Variants in XPA observed in about 807,000 individuals in gnomAD.
The protein encoded by XPA is DNA repair protein complementing XP-A cells.
In XPA, 27 loss-of-function variants were observed where a neutral mutation model predicts 35.7. The ratio of observed to expected loss-of-function variants is 0.76; its 90% CI spans 0.56 to 1.04. The LOEUF (loss-of-function observed/expected upper bound fraction) is 1.04. Among genes scored for constraint, XPA ranks in the 50% least tolerant of loss-of-function variants. The pLI is 0.00. For synonymous variants in XPA, 133 were observed against 118.4 expected, an observed-to-expected ratio of 1.12 and a Z score of -0.80; for missense variants, 354 against 342.7, an observed-to-expected ratio of 1.03 and a Z score of -0.26.
chr9:97,680,744 CT>C (rs370704008), intron 5 of XPA, among the ~76,000 whole-genome samples: 6 of 152,212 alleles, frequency 3.9e-5, no homozygotes, highest in African/African-American at 1.4e-4. Context: ...CTACCTACTG[CT>C]GAGAATGAGA....
At chr9:97,683,191 A>G (rs1386917257) in intron 5 of XPA, among the ~76,000 whole-genome samples, 2 of 152,236 alleles carry the variant, frequency 1.3e-5, no homozygotes, top group Non-Finnish European at 2.9e-5. Context: ...GCTGGAGTTA[A>G]CAAAAAACCC....
intron 1 of XPA, 73 bp downstream of exon 1, chr9:97,697,048 C>T (rs193220122): frequency 1.4e-6 from 2 of 1,458,168 alleles, no homozygotes; most frequent in Non-Finnish European, 1.8e-6. Flanking sequence ...CCCCGGGACT[C>T]GGCTTGCACG....
the XPA span, chr9:97,661,897 G>A: frequency 5.2e-5 from 25 of 483,522 alleles, no homozygotes; most frequent in Admixed American, 7.4e-5. Flanking sequence ...AATCAGTGAC[G>A]GTCTTTTATT....
At chr9:97,693,517 A>T (rs1342857045) in intron 2 of XPA, 132 bp downstream of exon 2, 3 of 802,024 alleles carry the variant, frequency 3.7e-6, no homozygotes, top group Admixed American at 2.6e-5. Context: ...GCCAAACTTT[A>T]TCACTTTTAT....
downstream of XPA, among the ~76,000 whole-genome samples, chr9:97,673,942 G>A (rs947471487): frequency 2.0e-5 from 3 of 152,102 alleles, no homozygotes; most frequent in Non-Finnish European, 4.4e-5. Flanking sequence ...TAGTGGCCTT[G>A]GTAATACATG....
chr9:97,697,076 G>A, intron 1 of XPA, 45 bp downstream of exon 1: 1 of 1,504,676 alleles, frequency 6.6e-7, no homozygotes, highest in Non-Finnish European at 8.9e-7. Flanking sequence ...CTGGGGACCG[G>A]GGAGGCGGGG....
the XPA span, among the ~76,000 whole-genome samples, chr9:97,658,454 T>C: frequency 6.6e-6 from 1 of 152,244 alleles, no homozygotes; most frequent in African/African-American, 2.4e-5. Flanking sequence ...CAGTGAGTTT[T>C]GCAGTATGCC....
the XPA span, among the ~76,000 whole-genome samples, chr9:97,661,460 CA>C: frequency 6.6e-6 from 1 of 152,056 alleles, no homozygotes; most frequent in Non-Finnish European, 1.5e-5. Context: ...TAATTCCAAC[CA>C]GAATCCTAGG....
chr9:97,670,714 C>T (rs1371791083), downstream of XPA, among the ~76,000 whole-genome samples: 4 of 152,128 alleles, frequency 2.6e-5, no homozygotes, highest in East Asian at 3.8e-4. Context: ...CCTGTCAGTC[C>T]GTCTGGCTGC....
the XPA span, chr9:97,655,051 T>C: frequency 5.3e-6 from 5 of 946,996 alleles, no homozygotes; most frequent in Non-Finnish European, 7.6e-6. Context: ...TTTAGTTTTT[T>C]TCTTGCCTCC....
chr9:97,654,731 GAAA>G, the XPA span: 1 of 739,146 alleles, frequency 1.4e-6, no homozygotes. Context: ...AAAGCTGTAA[GAAA>G]AAACAAAAAC....
At chr9:97,693,474 CTTT>C (rs1194045527) in intron 2 of XPA, among the ~76,000 whole-genome samples, 172 bp downstream of exon 2, 2 of 152,190 alleles carry the variant, frequency 1.3e-5, no homozygotes, top group South Asian at 2.1e-4. Flanking sequence ...ATGGCTGTTT[CTTT>C]GATTGTTTTT....
the XPA span, chr9:97,655,747 T>C: frequency 6.2e-7 from 1 of 1,612,946 alleles, no homozygotes. Context: ...TCCAGTTCCG[T>C]TGGAGCTGGG....
downstream of XPA, among the ~76,000 whole-genome samples, chr9:97,674,524 G>C (rs1262654377): frequency 3.3e-5 from 5 of 152,164 alleles, no homozygotes; most frequent in Non-Finnish European, 5.9e-5. Flanking sequence ...TTAACTAACT[G>C]GAATTTGTTT....
intron 5 of XPA, among the ~76,000 whole-genome samples, chr9:97,679,644 A>G (rs1828476041): frequency 6.6e-6 from 1 of 152,236 alleles, no homozygotes; most frequent in African/African-American, 2.4e-5. Context: ...ATCACCATTT[A>G]TATCCAATAT....
At chr9:97,684,061 T>C (rs1267498915) in intron 5 of XPA, among the ~76,000 whole-genome samples, 2 of 141,142 alleles carry the variant, frequency 1.4e-5, no homozygotes, top group Non-Finnish European at 1.5e-5. Context: ...TAAGACTCTT[T>C]TAGGGATTCT....
At chr9:97,675,937 G>A (rs1395346494) in intron 5 of XPA, 2 of 271,322 alleles carry the variant, frequency 7.4e-6, no homozygotes, top group East Asian at 8.2e-5. Context: ...ATAACAGAAT[G>A]CCACAGTAGG....
the XPA span, chr9:97,658,781 A>G: frequency 6.9e-7 from 1 of 1,447,688 alleles, no homozygotes; most frequent in Non-Finnish European, 9.7e-7. Flanking sequence ...TTTAAAAGGT[A>G]CCAGTTCAAG....
chr9:97,666,291 T>C, the XPA span, among the ~76,000 whole-genome samples: 20 of 152,366 alleles, frequency 1.3e-4, no homozygotes, highest in Non-Finnish European at 2.2e-4. Flanking sequence ...TATCAACTAA[T>C]GAGTTTCTTA....
Sources: allele counts gnomAD v4.1 joint callset (sites outside exome capture counted in the v4.1 genomes callset), GRCh38; gene constraint gnomAD v4.1.1; transcripts MANE v1.5; gene names NCBI Gene and HGNC (gene_info 2026-07-23, HGNC 2026-07-21).